PTGES: variants seen among roughly 807,000 people sequenced by gnomAD.
PTGES encodes the protein prostaglandin E synthase, also known as MGST1-like 1.
Under a neutral mutation model 11.8 loss-of-function variants are expected in PTGES, and 3 were observed. The ratio of observed to expected loss-of-function variants is 0.25; its 90% CI spans 0.12 to 0.66. PTGES has a LOEUF of 0.66. PTGES is among the 30% of genes least tolerant of loss of function. The probability of loss-of-function intolerance (pLI) is 0.82; values close to 1 mark genes in which losing one functional copy is unlikely to be tolerated. For missense variants in PTGES, 180 were observed against 213.0 expected (o/e 0.85, Z 0.96); for synonymous variants, 94 against 90.4 (o/e 1.04, Z -0.22).
At chr9:129,741,057 C>A (rs951735917) in intron 2 of PTGES, among the ~76,000 whole-genome samples, 1 of 152,088 alleles carries the variant, frequency 6.6e-6, no homozygotes, top group Non-Finnish European at 1.5e-5. Flanking sequence ...GTGGGCCTGA[C>A]CAAAAGGAAA....
Position 129,750,425 on chromosome 9 carries a change from C to G in PTGES, c.127-1688G>C, listed in dbSNP as rs116981836. ...GGCCCTGAAATCAGTGAATCACCAA[C>G]ACCGAAGGCTCTGTCCGTGGATCTG... On this transcript the variant is annotated intron_variant, in intron 1 of 2. Coordinates refer to ENST00000340607, the MANE Select transcript of PTGES (RefSeq NM_004878.5). Among the ~76,000 whole-genome samples the G allele has an allele frequency of 4.7e-3, 719 of 152,338 alleles. 4 individuals are homozygous for G. Among genetic ancestry groups the G allele is most frequent in the Non-Finnish European group, 7.6e-3 (519 of 68,036 alleles).
rs1362184874 is a variant in PTGES at position 129,752,979 on chromosome 9, C to T, written c.34G>A (p.Ala12Thr). The change falls in exon 1 of 3, where the codon GCC becomes ACC. Residue 12 changes from alanine (A) to threonine (T), a missense_variant. Ala to Thr is a moderately conservative substitution (Grantham distance 58, BLOSUM62 0). Coordinates refer to ENST00000340607, the MANE Select transcript of PTGES (RefSeq NM_004878.5). ...PAHSLVMSSP[A>T]LPAFLLCSTL... ...CTGCAGAGCAGGAAGGCCGGGAGGG[C>T]CGGGCTGCTCATCACCAGGCTGTGG... The T allele has an allele frequency of 6.2e-7, 1 of 1,609,706 alleles. No homozygotes were observed. The highest frequency in any genetic ancestry group is 1.1e-5 in the South Asian group (1 of 91,084).
At chr9:129,743,616 C>A (rs1833021869) in intron 2 of PTGES, among the ~76,000 whole-genome samples, 1 of 152,208 alleles carries the variant, frequency 6.6e-6, no homozygotes, top group African/African-American at 2.4e-5. Context: ...AGGGTCTCCT[C>A]TTCTCTCCCC....
intron 1 of PTGES, among the ~76,000 whole-genome samples, chr9:129,751,078 G>T (rs1196717937): frequency 6.6e-6 from 1 of 152,176 alleles, no homozygotes; most frequent in African/African-American, 2.4e-5. Context: ...TGTAATCCCA[G>T]AACTCCAGGA....
chr9:129,746,331 G>A (rs1473618535), intron 2 of PTGES, among the ~76,000 whole-genome samples: 1 of 152,132 alleles, frequency 6.6e-6, no homozygotes, highest in Non-Finnish European at 1.5e-5. Flanking sequence ...GTCCAGGAGG[G>A]CCGCCACAGC....
chr9:129,745,867 TA>T lies in PTGES; in HGVS notation c.209+2787del, dbSNP rs1033066928. Among the ~76,000 whole-genome samples, 12 of 147,998 alleles carry T rather than the reference TA, an allele frequency of 8.1e-5. No individual in the cohort carries two copies. The highest frequency in any genetic ancestry group is 9.0e-5 in the Non-Finnish European group (6 of 66,726). On this transcript the variant is annotated intron_variant, in intron 2 of 2. Transcript: ENST00000340607. The surrounding 1 kb of genome is among the most constrained non-coding windows in gnomAD (Gnocchi z 4.2). ...CAACATGGTGAAACTCTGTCTCTACTAAAAAAAAAATACAAAAATTAGCTGG... is the reference window on the plus strand; with the variant it reads ...CAACATGGTGAAACTCTGTCTCTACTAAAAAAAAATACAAAAATTAGCTGG...
Position 129,748,691 on chromosome 9 carries a change from T to C in PTGES, c.173A>G (p.Tyr58Cys). ...TTCCACGTCGGGGTCGCTCCTGCAA[T>C]ACTGGGGGCCTCCGTGTCTCAGGGC... ...EDALRHGGPQ[Y>C]CRSDPDVERC... The change falls in exon 2 of 3, where the codon TAT (tyrosine) becomes TGT (cysteine). Residue 58 changes from tyrosine to cysteine, a missense_variant. By Grantham distance (194) the Tyr-to-Cys change is radical. Transcript: ENST00000340607. The C allele has an allele frequency of 6.3e-7, 1 of 1,587,490 alleles. No individual in the cohort carries two copies. Among genetic ancestry groups the C allele is most frequent in the Non-Finnish European group, 8.5e-7 (1 of 1,170,352 alleles).
rs199664006 is a variant in PTGES at position 129,752,927 on chromosome 9, A to G, written c.86T>C (p.Val29Ala). The change falls in exon 1 of 3, where the codon GTG becomes GCG. Residue 29 changes from valine (V) to alanine (A), a missense_variant. Coordinates refer to ENST00000340607, the MANE Select transcript of PTGES (RefSeq NM_004878.5). ...CSTLLVIKMY[V>A]VAIITGQVRL... ...CACTTGGCCCGTGATGATGGCCACC[A>G]CGTACATCTTGATGACCAGCAGCGT... The G allele has an allele frequency of 1.7e-4, 267 of 1,613,644 alleles. No individual in the cohort carries two copies. Among genetic ancestry groups the G allele is most frequent in the Non-Finnish European group, 2.2e-4 (256 of 1,180,056 alleles).
At chr9:129,741,049 G>A (rs2130949627) in intron 2 of PTGES, among the ~76,000 whole-genome samples, 1 of 152,326 alleles carries the variant, frequency 6.6e-6, no homozygotes, top group African/African-American at 2.4e-5. Context: ...GATGGTGTGT[G>A]GGCCTGACCA....
chr9:129,747,695 C>A (rs761838397), intron 2 of PTGES, among the ~76,000 whole-genome samples: 1 of 152,102 alleles, frequency 6.6e-6, no homozygotes, highest in South Asian at 2.1e-4. Flanking sequence ...TTTACTCACA[C>A]ATACCCATAA....
rs1312703648 is a variant in PTGES at position 129,739,942 on chromosome 9, G to A, written c.210-82C>T. 9 of 1,485,214 alleles carry A rather than the reference G, an allele frequency of 6.1e-6. No individual in the cohort carries two copies. The highest frequency in any genetic ancestry group is 7.2e-6 in the Non-Finnish European group (8 of 1,111,600). The allele number at this position is 1,485,214 out of a possible 1,614,324, so 92.0% of individuals were successfully genotyped here. A position where few individuals can be genotyped will look rare whatever the true frequency, so the allele number is the denominator to read the frequency against. On this transcript the variant is annotated intron_variant, in intron 2 of 2. Coordinates refer to ENST00000340607, the MANE Select transcript of PTGES (RefSeq NM_004878.5). This position sits in a 1 kb window ranked among gnomAD's most constrained non-coding sequence, Gnocchi z 5.7. ...TTTTGAGAGTGTCATGGAAGCTGGG[G>A]GTGCTTTGACCCACTGGGGGTCATT...
Position 129,739,287 on chromosome 9 carries a change from T to G in PTGES, c.*324A>C. Reference sequence around the variant, plus strand: ...GAGTCTCCCTTCTCTCTTTTCACTGTTAGGGAGGGAGAGGGAGTGATGTTT... The same window carrying G: ...GAGTCTCCCTTCTCTCTTTTCACTGGTAGGGAGGGAGAGGGAGTGATGTTT... On this transcript the variant is annotated 3_prime_UTR_variant, in exon 3 of 3. Coordinates refer to ENST00000340607, the MANE Select transcript of PTGES (RefSeq NM_004878.5). This position sits in a 1 kb window ranked among gnomAD's most constrained non-coding sequence, Gnocchi z 5.7. The G allele has an allele frequency of 3.4e-6, 1 of 291,230 alleles. No homozygotes were observed. The allele number at this position is 291,230 out of a possible 1,614,324, so 18.0% of individuals were successfully genotyped here. A position where few individuals can be genotyped will look rare whatever the true frequency, so the allele number is the denominator to read the frequency against.
At chr9:129,750,221 A>C (rs527841026) in intron 1 of PTGES, among the ~76,000 whole-genome samples, 26 of 152,294 alleles carry the variant, frequency 1.7e-4, no homozygotes, top group Admixed American at 3.3e-4. Flanking sequence ...CAGAGCCTGA[A>C]TCTCAGGAGC....
In PTGES at chr9:129,748,675, G is replaced by A. The variant is rs553893194; in HGVS notation, c.189C>T (p.Pro63=). ...HGGPQYCRSD[P]DVERCLRAHR... ...CTTGCCTGAGGCAGCGTTCCACGTC[G>A]GGGTCGCTCCTGCAATACTGGGGGC... The change falls in exon 2 of 3, where the codon CCC becomes CCT. Residue 63 remains proline, a synonymous_variant. Transcript: ENST00000340607. 8.9e-6 allele frequency: 14 copies of A among 1,580,070 alleles called. No individual in the cohort carries two copies. The highest frequency in any genetic ancestry group is 8.1e-5 in the South Asian group (7 of 86,216).
At chr9:129,742,344 A>C (rs1456337145) in intron 2 of PTGES, among the ~76,000 whole-genome samples, 2 of 150,554 alleles carry the variant, frequency 1.3e-5, no homozygotes, top group African/African-American at 2.5e-5. Context: ...AAAAAAAAAA[A>C]AAAAAACATA....
At chr9:129,747,415 C>T (rs1337430062) in intron 2 of PTGES, among the ~76,000 whole-genome samples, 2 of 152,066 alleles carry the variant, frequency 1.3e-5, no homozygotes, top group South Asian at 2.1e-4. Flanking sequence ...CAGTATTACC[C>T]AAATCGTCTG....
chr9:129,745,796 G>A lies in PTGES; in HGVS notation c.209+2859C>T, dbSNP rs1485098167. On this transcript the variant is annotated intron_variant, in intron 2 of 2. Coordinates refer to ENST00000340607, the MANE Select transcript of PTGES (RefSeq NM_004878.5). This position sits in a 1 kb window ranked among gnomAD's most constrained non-coding sequence, Gnocchi z 4.2. ...TGTAATCCCAGCACTTTGGAAGCCC[G>A]AGGCAGGTGGATCACCTGAGGTCAG... Among the ~76,000 whole-genome samples the A allele has an allele frequency of 3.9e-5, 6 of 152,106 alleles. No individual in the cohort carries two copies. Among genetic ancestry groups the A allele is most frequent in the Non-Finnish European group, 5.9e-5 (4 of 68,018 alleles).
intron 2 of PTGES, among the ~76,000 whole-genome samples, chr9:129,747,038 G>T (rs1346828436): frequency 6.6e-6 from 1 of 152,036 alleles, no homozygotes; most frequent in African/African-American, 2.4e-5. Context: ...TCAGCCTCCC[G>T]AGTAGCTGGG....
rs145031861 is a variant in PTGES at position 129,742,781 on chromosome 9, G to A, written c.210-2921C>T. Among the ~76,000 whole-genome samples the A allele has an allele frequency of 2.1e-3, 315 of 151,882 alleles. 3 individuals are homozygous for A. The highest frequency in any genetic ancestry group is 6.9e-3 in the African/African-American group (287 of 41,420). On this transcript the variant is annotated intron_variant, in intron 2 of 2. Coordinates refer to ENST00000340607, the MANE Select transcript of PTGES (RefSeq NM_004878.5). ...CAGCTACTCGGGAGGCTGAGGCAGG[G>A]GAATCTCTTGAACCCGGGAGACAGA...
Sources: gnomAD v4.1 joint callset for allele counts (sites outside exome capture counted in the v4.1 genomes callset) on GRCh38, gnomAD v4.1.1 for gene constraint, Gnocchi (gnomAD v3.1) non-coding constraint, MANE v1.5 for transcripts, NCBI Gene and HGNC (gene_info 2026-07-23, HGNC 2026-07-21) for gene names.